ADGRL2: variants seen among roughly 807,000 people sequenced by gnomAD.
The protein encoded by ADGRL2 is calcium-independent alpha-latrotoxin receptor 2.
Under a neutral mutation model 157.4 loss-of-function variants are expected in ADGRL2, and 44 were observed. That is an observed-to-expected ratio of 0.28 (90% CI 0.22 to 0.36). The LOEUF is 0.36. Ranked by LOEUF, ADGRL2 falls within the 10% of genes least tolerant of loss-of-function variation. The probability of loss-of-function intolerance (pLI) is 1.00; values close to 1 mark genes in which losing one functional copy is unlikely to be tolerated. For synonymous variants in ADGRL2, 585 were observed against 624.7 expected, an observed-to-expected ratio of 0.94 and a Z score of 0.95; for missense variants, 1,510 against 1,768.9, an observed-to-expected ratio of 0.85 and a Z score of 2.63.
At chr1:81,756,304 C>A (rs1344492385) in intron 1 of ADGRL2, among the ~76,000 whole-genome samples, 2 of 144,498 alleles carry the variant, frequency 1.4e-5, no homozygotes, top group Non-Finnish European at 3.0e-5. Flanking sequence ...AACACCAATT[C>A]TATTCTTCTT....
chr1:81,960,095 T>G (rs1342948233), intron 11 of ADGRL2, among the ~76,000 whole-genome samples: 3 of 152,162 alleles, frequency 2.0e-5, no homozygotes, highest in Non-Finnish European at 4.4e-5. Flanking sequence ...CCACCATTCC[T>G]GGCCAAGTAT....
At chr1:81,360,909 A>G (rs1056143851) in intron 1 of ADGRL2, among the ~76,000 whole-genome samples, 1 of 151,950 alleles carries the variant, frequency 6.6e-6, no homozygotes, top group South Asian at 2.1e-4. Flanking sequence ...GCATGCTGGG[A>G]AGAAGACTTT....
intron 1 of ADGRL2, among the ~76,000 whole-genome samples, chr1:81,730,264 C>G (rs982330009): frequency 6.6e-5 from 10 of 152,100 alleles, no homozygotes; most frequent in African/African-American, 2.2e-4. Context: ...TTGCCTTAAC[C>G]CTTTTTACCC....
chr1:81,876,099 G>A (rs12744907), intron 2 of ADGRL2, among the ~76,000 whole-genome samples: 21,994 of 152,052 alleles, frequency 0.14, 1,659 homozygotes, highest in East Asian at 0.19. Flanking sequence ...TACCATATTT[G>A]AGCTAATTTT....
chr1:81,981,742 C>G, intron 18 of ADGRL2, 66 bp from the exon 19 acceptor site: 3 of 1,267,948 alleles, frequency 2.4e-6, no homozygotes, highest in Non-Finnish European at 3.4e-6. Flanking sequence ...GATATGTTAA[C>G]ATTTAAGCGT....
At chr1:81,463,200 A>G (rs984351946) in intron 2 of ADGRL2, among the ~76,000 whole-genome samples, 6 of 152,078 alleles carry the variant, frequency 3.9e-5, no homozygotes, top group Admixed American at 3.3e-4. Context: ...TGGTCTTCAA[A>G]TGTGTATGTA....
chr1:81,777,177 T>C (rs2086621407), intron 2 of ADGRL2, among the ~76,000 whole-genome samples: 1 of 152,238 alleles, frequency 6.6e-6, no homozygotes, highest in East Asian at 1.9e-4. Flanking sequence ...GAACTGAGCA[T>C]GGTAATCTAA....
intron 2 of ADGRL2, among the ~76,000 whole-genome samples, chr1:81,523,600 C>G (rs2148184427): frequency 6.6e-6 from 1 of 152,232 alleles, no homozygotes; most frequent in East Asian, 1.9e-4. Flanking sequence ...TGGTTGATCT[C>G]ACTCATAATC....
intron 3 of ADGRL2, among the ~76,000 whole-genome samples, chr1:81,622,708 T>G (rs1050988528): frequency 6.6e-6 from 1 of 152,204 alleles, no homozygotes; most frequent in African/African-American, 2.4e-5. Flanking sequence ...TGAGCTATAA[T>G]TGTGCCACCG....
intron 1 of ADGRL2, among the ~76,000 whole-genome samples, chr1:81,382,883 A>G (rs995957071): frequency 6.6e-6 from 1 of 152,254 alleles, no homozygotes; most frequent in Non-Finnish European, 1.5e-5. Context: ...TTCAACTAAC[A>G]TTCGGGAATG....
intron 3 of ADGRL2, among the ~76,000 whole-genome samples, chr1:81,915,703 C>T (rs189115603): frequency 1.3e-5 from 2 of 152,200 alleles, no homozygotes; most frequent in East Asian, 1.9e-4. Context: ...GAAAGCAAAG[C>T]CATATCTCAT....
At chr1:81,669,758 C>A (rs530508172) in intron 3 of ADGRL2, among the ~76,000 whole-genome samples, 2 of 151,896 alleles carry the variant, frequency 1.3e-5, no homozygotes, top group South Asian at 4.2e-4. Context: ...CTGGCTAACA[C>A]GGTGAAACCC....
intron 3 of ADGRL2, among the ~76,000 whole-genome samples, chr1:81,595,909 C>T (rs912146525): frequency 6.6e-6 from 1 of 152,108 alleles, no homozygotes; most frequent in African/African-American, 2.4e-5. Context: ...GCAGATTCAG[C>T]ATCTGTTGAG....
intron 2 of ADGRL2, among the ~76,000 whole-genome samples, chr1:81,449,465 A>C (rs1438364828): frequency 6.6e-6 from 1 of 152,214 alleles, no homozygotes; most frequent in African/African-American, 2.4e-5. Context: ...ATCCCACCAA[A>C]ATCCCCGGTG....
rs1240596878 is a variant in ADGRL2 at position 81,488,620 on chromosome 1, A to G, written c.-248+43531A>G. Among the ~76,000 whole-genome samples the G allele has an allele frequency of 2.0e-5, 3 of 152,088 alleles. No individual in the cohort carries two copies. In the East Asian group the frequency reaches 5.8e-4, roughly 29 times the overall value. On this transcript the variant is annotated intron_variant, in intron 2 of 24. Coordinates refer to the ADGRL2 transcript ENST00000370721. ...CTACCTGGGAGGCTGAGGTGAGAAG[A>G]TAGCTTGAGCATGGGAGGTCGGGGC... is the stretch of plus-strand genomic sequence containing the variant.
At chr1:81,715,006 T>C (rs2084062685) in intron 1 of ADGRL2, among the ~76,000 whole-genome samples, 1 of 152,096 alleles carries the variant, frequency 6.6e-6, no homozygotes, top group Non-Finnish European at 1.5e-5. Context: ...TTTAACCTGC[T>C]TTGTTCAGAC....
chr1:81,680,717 T>G (rs1430956346), intron 3 of ADGRL2, among the ~76,000 whole-genome samples: 1 of 152,136 alleles, frequency 6.6e-6, no homozygotes, highest in Admixed American at 6.5e-5. Context: ...AAAAAATTTT[T>G]TTTAAATTGT....
chr1:81,822,781 A>T (rs1378571372), intron 1 of ADGRL2, among the ~76,000 whole-genome samples: 2 of 152,154 alleles, frequency 1.3e-5, no homozygotes, highest in African/African-American at 4.8e-5. Flanking sequence ...TTGTTTTTGT[A>T]GATACTATTA....
At chr1:81,413,587 A>C (rs751932978) in intron 1 of ADGRL2, among the ~76,000 whole-genome samples, 5 of 152,244 alleles carry the variant, frequency 3.3e-5, no homozygotes, top group Admixed American at 2.0e-4. Context: ...TTACAAGAAA[A>C]AAATGTCATG....
Sources: allele counts gnomAD v4.1 joint callset (sites outside exome capture counted in the v4.1 genomes callset), GRCh38; gene constraint gnomAD v4.1.1; transcripts MANE v1.5; gene names NCBI Gene and HGNC (gene_info 2026-07-23, HGNC 2026-07-21).